CDH12: variants seen among roughly 807,000 people sequenced by gnomAD.
CDH12 encodes the protein cadherin 12.
Under a neutral mutation model 74.1 loss-of-function variants are expected in CDH12, and 41 were observed. The observed-to-expected ratio is 0.55, with a 90% CI of 0.43 to 0.72. The LOEUF is 0.72. Ranked by LOEUF, CDH12 falls within the 30% of genes least tolerant of loss-of-function variation. The pLI is 0.00. For missense variants in CDH12, 945 were observed against 977.2 expected, an observed-to-expected ratio of 0.97 and a Z score of 0.44; for synonymous variants, 399 against 355.0, an observed-to-expected ratio of 1.12 and a Z score of -1.39.
At position 22,550,746 on chromosome 5, in the gene CDH12, T is replaced by C. The variant is rs1738527873; in HGVS notation, c.-522-45382A>G. Among the ~76,000 whole-genome samples the C allele has an allele frequency of 2.6e-5, 4 of 152,204 alleles. No individual in the cohort carries two copies. In the South Asian group the frequency reaches 8.3e-4, roughly 31 times the overall value. On this transcript the variant is annotated intron_variant, in intron 1 of 14. Coordinates refer to ENST00000382254, the MANE Select transcript of CDH12 (RefSeq NM_004061.5). ...TAACTTTATCCAGTTATAACGTTTT[T>C]CTGCTGAAAATATTTGTTGTCTTTC... is the stretch of plus-strand genomic sequence containing the variant.
chr5:22,813,815 C>A (rs1481718658), intron 1 of CDH12, among the ~76,000 whole-genome samples: 3 of 152,092 alleles, frequency 2.0e-5, no homozygotes, highest in Non-Finnish European at 4.4e-5. Context: ...TTGGAATCTT[C>A]CCTGGTCGAG....
At chr5:22,443,262 T>G (rs2126545480) in intron 2 of CDH12, among the ~76,000 whole-genome samples, 1 of 152,198 alleles carries the variant, frequency 6.6e-6, no homozygotes, top group African/African-American at 2.4e-5. Context: ...GCACAAAACC[T>G]AAAATTTCAC....
intron 2 of CDH12, among the ~76,000 whole-genome samples, chr5:22,434,694 CT>C (rs1433773876): frequency 6.6e-6 from 1 of 152,078 alleles, no homozygotes; most frequent in African/African-American, 2.4e-5. Context: ...ATTATGTAAT[CT>C]TTTTCACACT....
At position 22,055,805 on chromosome 5, in the gene CDH12, CAA is replaced by C. The variant is rs200781829; in HGVS notation, c.231+22639_231+22640del. 3.3e-3 allele frequency among the ~76,000 whole-genome samples: 500 copies of C among 151,990 alleles called. 1 individual carries two copies. Among genetic ancestry groups the C allele is most frequent in the African/African-American group, 0.011 (465 of 41,514 alleles). ...TTACCAAATAATAAAAATTAAGTAA[CAA>C]TATCTTAAATATATTGAATGCCCCA... On this transcript the variant is annotated intron_variant, in intron 5 of 14. Coordinates refer to ENST00000382254, the MANE Select transcript of CDH12 (RefSeq NM_004061.5).
rs1047765188 is a variant in CDH12 at position 22,416,130 on chromosome 5, A to G, written c.-427-10779T>C. Among the ~76,000 whole-genome samples, 107 of 116,620 alleles carry G rather than the reference A, an allele frequency of 9.2e-4. 5 individuals carry two copies. The highest frequency in any genetic ancestry group is 3.8e-4 in the Admixed American group (3 of 7,976). 76.5% of individuals were successfully genotyped at this position (116,620 alleles called of 152,430 possible). A position where few individuals can be genotyped will look rare whatever the true frequency, so the allele number is the denominator to read the frequency against. On this transcript the variant is annotated intron_variant, in intron 2 of 14. Coordinates refer to ENST00000382254, the MANE Select transcript of CDH12 (RefSeq NM_004061.5). ...CGCTCTGTGGCCCAGGCGGGAGTGC[A>G]GTGGCGCAATCTCGGCTCACTACAA... is the stretch of plus-strand genomic sequence containing the variant.
At chr5:22,299,183 T>C (rs1235616107) in intron 3 of CDH12, among the ~76,000 whole-genome samples, 3 of 152,094 alleles carry the variant, frequency 2.0e-5, no homozygotes, top group Non-Finnish European at 4.4e-5. Context: ...AGAGGGAACA[T>C]GACTGATAGG....
intron 2 of CDH12, among the ~76,000 whole-genome samples, chr5:22,480,112 T>C (rs1041460699): frequency 1.3e-5 from 2 of 152,214 alleles, no homozygotes; most frequent in African/African-American, 4.8e-5. Flanking sequence ...CATATTTTTG[T>C]TCACACAGAT....
At chr5:22,530,150 A>G (rs1448388672) in intron 1 of CDH12, among the ~76,000 whole-genome samples, 4 of 152,196 alleles carry the variant, frequency 2.6e-5, no homozygotes, top group Admixed American at 6.6e-5. Context: ...TCAAAGAGTA[A>G]GTTCCTTCTG....
At chr5:22,796,124 G>A (rs150618702) in intron 1 of CDH12, among the ~76,000 whole-genome samples, 76 of 152,132 alleles carry the variant, frequency 5.0e-4, no homozygotes, top group African/African-American at 1.8e-3. Flanking sequence ...TCCACATCTT[G>A]GCTATTGTGA....
At position 22,505,899 on chromosome 5, in the gene CDH12, A is replaced by G. The variant is rs146710887; in HGVS notation, c.-522-535T>C. ...TTTGGGAGGAGGACCATAAAGTATC[A>G]TTTTTGTCACTTCATATCAAGGGTA... On this transcript the variant is annotated intron_variant, in intron 1 of 14. Coordinates refer to ENST00000382254, the MANE Select transcript of CDH12 (RefSeq NM_004061.5). 2.2e-3 allele frequency among the ~76,000 whole-genome samples: 339 copies of G among 152,194 alleles called. 1 individual carries two copies. Among genetic ancestry groups the G allele is most frequent in the African/African-American group, 7.7e-3 (320 of 41,540 alleles).
intron 3 of CDH12, among the ~76,000 whole-genome samples, chr5:22,342,270 G>A (rs1057509412): frequency 1.3e-5 from 2 of 152,254 alleles, no homozygotes; most frequent in Middle Eastern, 3.4e-3. Context: ...TCAGTCCTTA[G>A]CAGAGAGAAA....
At chr5:22,354,353 A>T (rs1326916619) in intron 3 of CDH12, among the ~76,000 whole-genome samples, 9 of 152,160 alleles carry the variant, frequency 5.9e-5, no homozygotes, top group Non-Finnish European at 1.2e-4. Context: ...GCAACCATCA[A>T]CCATCGCCAT....
chr5:21,877,474 C>G (rs1185272804), intron 6 of CDH12, among the ~76,000 whole-genome samples: 1 of 152,064 alleles, frequency 6.6e-6, no homozygotes, highest in Admixed American at 6.6e-5. Flanking sequence ...ATAATAAGTA[C>G]TTAATACATG....
At chr5:22,105,988 C>T (rs1433743803) in intron 4 of CDH12, among the ~76,000 whole-genome samples, 1 of 152,048 alleles carries the variant, frequency 6.6e-6, no homozygotes, top group African/African-American at 2.4e-5. Context: ...ATATTATTTC[C>T]AGGTTGGTAT....
At chr5:22,597,655 T>C (rs1020056884) in intron 1 of CDH12, among the ~76,000 whole-genome samples, 1 of 152,228 alleles carries the variant, frequency 6.6e-6, no homozygotes, top group African/African-American at 2.4e-5. Flanking sequence ...AGAGTATTTG[T>C]TGTCAAACAT....
intron 5 of CDH12, among the ~76,000 whole-genome samples, chr5:21,979,206 T>G (rs916676149): frequency 6.6e-6 from 1 of 152,218 alleles, no homozygotes; most frequent in African/African-American, 2.4e-5. Context: ...AATAAGCTGT[T>G]TCTGAGTCGG....
rs1439773125 is a variant in CDH12, at chr5:21,975,332, T to G, written c.285A>C (p.Gly95=). 1.9e-6 allele frequency: 3 copies of G among 1,597,210 alleles called. No homozygotes were observed. Among genetic ancestry groups the G allele is most frequent in the Admixed American group, 3.3e-5 (2 of 59,978 alleles). ...TGGTAAAAACGGTGCCAGCGCCATC[T>G]CCTGAGAGGGTGTATTTCACAGTGC... is the stretch of plus-strand genomic sequence containing the variant. ...GEGTVKYTLS[G]DGAGTVFTID... is the part of the protein sequence containing the mutation. Residue 95 remains glycine (G), a synonymous_variant, in exon 6 of 15, where the codon GGA becomes GGC. Transcript: ENST00000382254.
intron 1 of CDH12, among the ~76,000 whole-genome samples, chr5:22,517,310 T>A (rs1736854031): frequency 6.6e-6 from 1 of 152,124 alleles, no homozygotes. Flanking sequence ...TTAATTAATA[T>A]TATTTTTGAA....
intron 4 of CDH12, among the ~76,000 whole-genome samples, chr5:22,104,955 A>AT (rs1350244112): frequency 3.9e-5 from 6 of 152,120 alleles, no homozygotes; most frequent in Non-Finnish European, 4.4e-5. Flanking sequence ...TCTGAGGGCT[A>AT]TGAGAAAGAA....
Sources: gnomAD v4.1 joint callset for allele counts (sites outside exome capture counted in the v4.1 genomes callset) on GRCh38, gnomAD v4.1.1 for gene constraint, MANE v1.5 for transcripts, NCBI Gene and HGNC (gene_info 2026-07-23, HGNC 2026-07-21) for gene names.